RAB11FIP1: variants seen among roughly 807,000 people sequenced by gnomAD.
RAB11FIP1 encodes RAB11 family interacting protein 1.
In RAB11FIP1, 49 loss-of-function variants were observed where a neutral mutation model predicts 83.1. That is an observed-to-expected ratio of 0.59 (90% CI 0.47 to 0.75). The LOEUF is 0.75. RAB11FIP1 is among the 30% of genes least tolerant of loss of function. The pLI is 0.00. For missense variants in RAB11FIP1, 1,536 were observed against 1,598.7 expected (o/e 0.96, Z 0.67); for synonymous variants, 670 against 656.0 (o/e 1.02, Z -0.33).
intron 1 of RAB11FIP1, among the ~76,000 whole-genome samples, chr8:37,878,532 T>TC (rs1806667773): frequency 2.0e-5 from 1 of 50,688 alleles, no homozygotes; most frequent in Non-Finnish European, 3.4e-5. Context: ...AGACTCCATC[T>TC]CAAAAAAAAA....
intron 3 of RAB11FIP1, among the ~76,000 whole-genome samples, chr8:37,873,591 G>A (rs144030237): frequency 0.014 from 2,139 of 152,060 alleles, 24 homozygotes; most frequent in Non-Finnish European, 0.02. Context: ...GGGCGATAGA[G>A]GGAGACTGTC....
rs2130213849 is a variant in RAB11FIP1, at chr8:37,899,404, G to T, written c.38C>A (p.Ala13Asp). ...CTGCACGTGGGTTGGGGACCACACGGCCCCCAGGCCCCGGCCAGCCGAGAC... is the reference window on the plus strand; with the variant it reads ...CTGCACGTGGGTTGGGGACCACACGTCCCCCAGGCCCCGGCCAGCCGAGAC... The part of the protein sequence containing the change: ...LMVSAGRGLG[A>D]VWSPTHVQVT... The change falls in exon 1 of 6, where the codon GCC becomes GAC. Residue 13 changes from alanine to aspartate, a missense_variant. Ala to Asp is a moderately radical substitution (Grantham distance 126, BLOSUM62 -2). Coordinates refer to ENST00000330843, the MANE Select transcript of RAB11FIP1 (RefSeq NM_001002814.3). The surrounding 1 kb of genome is among the most constrained non-coding windows in gnomAD (Gnocchi z 4.5). 3 of 1,587,984 alleles carry T rather than the reference G, an allele frequency of 1.9e-6. No individual in the cohort carries two copies. Among genetic ancestry groups the T allele is most frequent in the Non-Finnish European group, 1.7e-6 (2 of 1,169,338 alleles).
rs1254559400 is a variant in RAB11FIP1, at chr8:37,899,168, C to T, written c.274G>A (p.Val92Met). The T allele has an allele frequency of 3.2e-6, 5 of 1,558,496 alleles. No homozygotes were observed. Among genetic ancestry groups the T allele is most frequent in the Non-Finnish European group, 1.7e-6 (2 of 1,160,692 alleles). ...AGGCCGAGCAGCGCGCGGTGCAGCA[C>T]GGTGAGCTGCAGGGTGGCGGCGGCC... is the stretch of plus-strand genomic sequence containing the variant. ...PAAAATLQLT[V>M]LHRALLGLDK... The change falls in exon 1 of 6, where the codon GTG becomes ATG. Residue 92 changes from valine to methionine, a missense_variant. By Grantham distance (21) the Val-to-Met change is conservative (BLOSUM62 1). Coordinates refer to ENST00000330843, the MANE Select transcript of RAB11FIP1 (RefSeq NM_001002814.3). The surrounding 1 kb of genome is among the most constrained non-coding windows in gnomAD (Gnocchi z 4.5).
intron 1 of RAB11FIP1, among the ~76,000 whole-genome samples, chr8:37,898,695 C>T (rs1807143793): frequency 6.6e-6 from 1 of 151,536 alleles, no homozygotes; most frequent in East Asian, 1.9e-4. Context: ...TGGTGCGCGC[C>T]TGTAATCCCA....
Position 37,862,064 on chromosome 8 carries a change from C to G in RAB11FIP1, c.*831G>C, listed in dbSNP as rs1585424470. On this transcript the variant is annotated 3_prime_UTR_variant, in exon 6 of 6. Transcript: ENST00000330843. ...TTAGCGAGTGCGTGGACCACCCAAT[C>G]CCCTAGCAAAGCGCTGAATAGGCTG... is the stretch of plus-strand genomic sequence containing the variant. The G allele has an allele frequency of 6.5e-6, 1 of 153,714 alleles. No individual in the cohort carries two copies. Among genetic ancestry groups the G allele is most frequent in the Non-Finnish European group, 1.4e-5 (1 of 68,974 alleles). 9.5% of individuals were successfully genotyped at this position (153,714 alleles called of 1,614,324 possible). A position where few individuals can be genotyped will look rare whatever the true frequency, so the allele number is the denominator to read the frequency against.
chr8:37,898,775 G>C (rs186166489), intron 1 of RAB11FIP1, among the ~76,000 whole-genome samples: 1 of 150,242 alleles, frequency 6.7e-6, no homozygotes, highest in East Asian at 2.0e-4. Context: ...AGCTGAGATC[G>C]TGCCATTGCC....
chr8:37,871,660 CTG>C lies in RAB11FIP1; in HGVS notation c.3140_3141del (p.Thr1047ArgfsTer17). 3 of 1,613,218 alleles carry C rather than the reference CTG, an allele frequency of 1.9e-6. No individual in the cohort carries two copies. Among genetic ancestry groups the C allele is most frequent in the Non-Finnish European group, 2.5e-6 (3 of 1,179,334 alleles). On this transcript the variant is annotated frameshift_variant, in exon 4 of 6. Coordinates refer to ENST00000330843, the MANE Select transcript of RAB11FIP1 (RefSeq NM_001002814.3). LOFTEE classifies it high-confidence loss of function. ...AGATGTGGTTTGTGAATTCCGAACT[CTG>C]TGGTCTGCTCTGAAGGAGCTGTCAC... ...ASVTAPSEQT[T>X]EFGIHKPHLG...
Position 37,872,107 on chromosome 8 carries a change from T to A in RAB11FIP1, c.2695A>T (p.Met899Leu), listed in dbSNP as rs1430159311. ...SQEESFSEVP[M>L]SEASSAKDTP... is the part of the protein sequence containing the mutation. ...TCTTTCGCTGAGCTTGCTTCACTCA[T>A]GGGGACTTCGGAGAAACTCTCCTCC... The change falls in exon 4 of 6, where the codon ATG becomes TTG. Residue 899 changes from methionine (M) to leucine (L), a missense_variant. By Grantham distance (15) the Met-to-Leu change is conservative (BLOSUM62 2). Transcript: ENST00000330843. 3 of 1,613,894 alleles carry A rather than the reference T, an allele frequency of 1.9e-6. No homozygotes were observed. Among genetic ancestry groups the A allele is most frequent in the Non-Finnish European group, 2.5e-6 (3 of 1,180,010 alleles).
At position 37,861,420 on chromosome 8, in the gene RAB11FIP1, C is replaced by T. The variant is rs1806229400; in HGVS notation, c.*1475G>A. 3 of 349,204 alleles carry T rather than the reference C, an allele frequency of 8.6e-6. No homozygotes were observed. The highest frequency in any genetic ancestry group is 4.5e-5 in the Admixed American group (1 of 22,366). 21.6% of individuals were successfully genotyped at this position (349,204 alleles called of 1,614,324 possible). ...TCACTACAATTTCCCCAGTATCCCA[C>T]AAATAATTTGGGTTTCCTTTTGGGC... On this transcript the variant is annotated 3_prime_UTR_variant, in exon 6 of 6. Transcript: ENST00000330843.
rs1221656249 is a variant in RAB11FIP1 at position 37,872,520 on chromosome 8, T to C, written c.2282A>G (p.Glu761Gly). The C allele has an allele frequency of 1.9e-6, 3 of 1,614,188 alleles. No homozygotes were observed. The highest frequency in any genetic ancestry group is 1.7e-6 in the Non-Finnish European group (2 of 1,180,030). The change falls in exon 4 of 6, where the codon GAG becomes GGG. Residue 761 changes from glutamate (E) to glycine (G), a missense_variant. Coordinates refer to ENST00000330843, the MANE Select transcript of RAB11FIP1 (RefSeq NM_001002814.3). Reference sequence around the variant, plus strand: ...TTCAGCTGCATCCCTGGCTTTGCTCTCCACAAGAGACCCAGCCTGACTCTC... The same window carrying C: ...TTCAGCTGCATCCCTGGCTTTGCTCCCCACAAGAGACCCAGCCTGACTCTC... ...DLESQAGSLV[E>G]SKARDAAEEV...
chr8:37,872,929 A>T lies in RAB11FIP1; in HGVS notation c.1873T>A (p.Ser625Thr), dbSNP rs780523981. 13 of 1,614,236 alleles carry T rather than the reference A, an allele frequency of 8.1e-6. No individual in the cohort carries two copies. The highest frequency in any genetic ancestry group is 1.7e-4 in the Middle Eastern group (1 of 6,056). Residue 625 changes from serine (S) to threonine (T), a missense_variant, in exon 4 of 6, where the codon TCT becomes ACT. By Grantham distance (58) the Ser-to-Thr change is moderately conservative (BLOSUM62 1). Transcript: ENST00000330843. ...WPLVDRGQAK[S>T]EGPPLLPKAE... ...TTAGGGAGCAAGGGTGGTCCTTCAG[A>T]CTTGGCCTGGCCCCTGTCTACGAGA... is the stretch of plus-strand genomic sequence containing the variant.
Position 37,893,832 on chromosome 8 carries a change from G to A in RAB11FIP1, c.371+5239C>T, listed in dbSNP as rs1338921006. On this transcript the variant is annotated intron_variant, in intron 1 of 5. Transcript: ENST00000330843. Reference sequence around the variant, plus strand: ...TTAGAAACAAGAAGATGGAAAAAAAGCAGGTAGAACTTTCTCCATACTAAC... The same window carrying A: ...TTAGAAACAAGAAGATGGAAAAAAAACAGGTAGAACTTTCTCCATACTAAC... Among the ~76,000 whole-genome samples the A allele has an allele frequency of 6.6e-5, 10 of 152,018 alleles. 1 individual carries two copies. Among genetic ancestry groups the A allele is most frequent in the Non-Finnish European group, 2.9e-5 (2 of 67,994 alleles).
chr8:37,899,427 G>A lies in RAB11FIP1; in HGVS notation c.15C>T (p.Val5=). Residue 5 remains valine (V), a synonymous_variant, in exon 1 of 6, where the codon GTC becomes GTT. Coordinates refer to ENST00000330843, the MANE Select transcript of RAB11FIP1 (RefSeq NM_001002814.3). This position sits in a 1 kb window ranked among gnomAD's most constrained non-coding sequence, Gnocchi z 4.5. Reference sequence around the variant, plus strand: ...CGGCCCCCAGGCCCCGGCCAGCCGAGACCATTAGGGACATGGTGACGATAA... The same window carrying A: ...CGGCCCCCAGGCCCCGGCCAGCCGAAACCATTAGGGACATGGTGACGATAA... MSLM[V]SAGRGLGAVW... 6.4e-6 allele frequency: 10 copies of A among 1,563,234 alleles called. No homozygotes were observed. The highest frequency in any genetic ancestry group is 1.7e-4 in the Middle Eastern group (1 of 5,830).
intron 1 of RAB11FIP1, among the ~76,000 whole-genome samples, chr8:37,888,227 C>T (rs1806871944): frequency 1.3e-5 from 2 of 152,170 alleles, no homozygotes; most frequent in African/African-American, 4.8e-5. Flanking sequence ...CTGCCTCAGC[C>T]TCCTGAGTAG....
chr8:37,884,998 GT>G (rs112327410), intron 1 of RAB11FIP1, among the ~76,000 whole-genome samples: 8,065 of 136,618 alleles, frequency 0.059, 692 homozygotes, highest in African/African-American at 0.2. Context: ...TTTTTTAATT[GT>G]TTTTTTTTTT....
chr8:37,873,854 T>C (rs1044486848), intron 3 of RAB11FIP1, among the ~76,000 whole-genome samples: 17 of 143,486 alleles, frequency 1.2e-4, no homozygotes, highest in East Asian at 1.2e-3. Context: ...AGAGGAACAG[T>C]GTGTATGTGT....
At chr8:37,882,512 T>G (rs568603827) in intron 1 of RAB11FIP1, among the ~76,000 whole-genome samples, 19 of 152,354 alleles carry the variant, frequency 1.2e-4, no homozygotes, top group Non-Finnish European at 1.8e-4. Flanking sequence ...CATCTCTCAA[T>G]GATCTTTTTA....
At position 37,872,753 on chromosome 8, in the gene RAB11FIP1, G is replaced by C. The variant is rs755010455; in HGVS notation, c.2049C>G (p.Asn683Lys). The C allele has an allele frequency of 6.2e-7, 1 of 1,614,250 alleles. No homozygotes were observed. Among genetic ancestry groups the C allele is most frequent in the Non-Finnish European group, 8.5e-7 (1 of 1,180,054 alleles). The stretch of plus-strand genomic sequence containing the variant: ...ACTCCTCCAACTCAAGGCTGCTGGT[G>C]TTCTTCTCTGTGCCTGTCTCACGGG... ...GRTRETGTEK[N>K]TSSLELEESL... is the part of the protein sequence containing the mutation. The change falls in exon 4 of 6, where the codon AAC (asparagine) becomes AAG (lysine). Residue 683 changes from asparagine to lysine, a missense_variant. Physicochemically the swap from Asn to Lys is moderately conservative, Grantham distance 94. Coordinates refer to ENST00000330843, the MANE Select transcript of RAB11FIP1 (RefSeq NM_001002814.3).
chr8:37,873,927 T>C (rs1399228339), intron 3 of RAB11FIP1, among the ~76,000 whole-genome samples: 1 of 151,228 alleles, frequency 6.6e-6, no homozygotes, highest in Admixed American at 6.6e-5. Flanking sequence ...AAAAAAAAAA[T>C]CTCACTCCCC....
Sources: allele counts gnomAD v4.1 joint callset (sites outside exome capture counted in the v4.1 genomes callset), GRCh38; gene constraint gnomAD v4.1.1; non-coding constraint Gnocchi (gnomAD v3.1); transcripts MANE v1.5; gene names NCBI Gene and HGNC (gene_info 2026-07-23, HGNC 2026-07-21).